Variants in COQ8A observed in about 807,000 individuals in gnomAD.
COQ8A encodes atypical kinase COQ8A, mitochondrial.
A neutral mutation model predicts 65.0 loss-of-function variants in COQ8A; 51 were observed. The ratio of observed to expected loss-of-function variants is 0.78; its 90% confidence interval spans 0.63 to 0.99. The LOEUF (loss-of-function observed/expected upper bound fraction) is 0.99. COQ8A is among the 50% of genes least tolerant of loss of function. The pLI, the probability that COQ8A is intolerant of heterozygous loss-of-function variation, is 0.00. For missense variants in COQ8A, 940 were observed against 875.0 expected (o/e 1.07, Z -0.94); for synonymous variants, 371 against 353.2 (o/e 1.05, Z -0.57).
Position 226,946,049 on chromosome 1 carries a change from G to A in COQ8A, c.-10+5650G>A, listed in dbSNP as rs936894448. Among the ~76,000 whole-genome samples the A allele has an allele frequency of 1.7e-4, 26 of 152,162 alleles. No individual in the cohort carries two copies. Among genetic ancestry groups the A allele is most frequent in the African/African-American group, 5.8e-4 (24 of 41,422 alleles). On this transcript the variant is annotated intron_variant, in intron 1 of 14. Transcript: ENST00000366777. This position sits in a 1 kb window ranked among gnomAD's most constrained non-coding sequence, Gnocchi z 5.3. The stretch of plus-strand genomic sequence containing the variant: ...TCGATGAGGGAGCTCAGGAAGCCAC[G>A]GAGCCTGGGTGCCTGGGTCCTGCCT...
In COQ8A at chr1:226,986,801, G is replaced by A. The variant is rs1660149676; in HGVS notation, c.*64G>A. The A allele has an allele frequency of 1.9e-6, 3 of 1,569,906 alleles. No individual in the cohort carries two copies. Among genetic ancestry groups the A allele is most frequent in the Non-Finnish European group, 2.6e-6 (3 of 1,161,180 alleles). On this transcript the variant is annotated 3_prime_UTR_variant, in exon 15 of 15. Transcript: ENST00000366777. ...TCTCCCTCAGACAGGCCAAAAACCA[G>A]TAGCGAGGTCGTGGTGATGCTCTTT...
At chr1:226,948,472 G>T (rs1657181016) in intron 1 of COQ8A, among the ~76,000 whole-genome samples, 2 of 152,186 alleles carry the variant, frequency 1.3e-5, no homozygotes, top group Non-Finnish European at 2.9e-5. Context: ...GGGGATTGTG[G>T]TATGGGTATC....
chr1:226,941,137 G>T (rs2147989297), intron 1 of COQ8A, among the ~76,000 whole-genome samples: 1 of 152,326 alleles, frequency 6.6e-6, no homozygotes, highest in East Asian at 1.9e-4. Context: ...GGGCAGGTTT[G>T]GGTGTTGGGA....
chr1:226,969,859 A>G (rs932639418), intron 4 of COQ8A, among the ~76,000 whole-genome samples: 7 of 152,190 alleles, frequency 4.6e-5, no homozygotes, highest in African/African-American at 1.4e-4. Context: ...GTTTATATCT[A>G]CTACCTTAGT....
chr1:226,982,542 C>G (rs1025648122), intron 6 of COQ8A, 136 bp from the exon 7 acceptor site: 7 of 965,340 alleles, frequency 7.3e-6, no homozygotes, highest in African/African-American at 1.6e-5. Context: ...TGCGAGGGCT[C>G]CTGTCTTTCT....
chr1:226,947,476 A>C (rs998245509), intron 1 of COQ8A, among the ~76,000 whole-genome samples: 2 of 152,250 alleles, frequency 1.3e-5, no homozygotes, highest in Non-Finnish European at 2.9e-5. Context: ...TCATTGAGAT[A>C]TTAAACCTGA....
chr1:226,977,167 G>T (rs567866788), intron 4 of COQ8A, among the ~76,000 whole-genome samples: 1 of 152,286 alleles, frequency 6.6e-6, no homozygotes, highest in Non-Finnish European at 1.5e-5. Context: ...TTACTTTGGG[G>T]TGTCCGTGTG....
At chr1:226,951,257 T>A (rs571573017) in intron 1 of COQ8A, among the ~76,000 whole-genome samples, 6 of 152,184 alleles carry the variant, frequency 3.9e-5, no homozygotes, top group Non-Finnish European at 8.8e-5. Flanking sequence ...AAGGAATGAT[T>A]AGATGGTGGA....
intron 1 of COQ8A, among the ~76,000 whole-genome samples, chr1:226,945,945 A>T (rs2148002808): frequency 6.6e-6 from 1 of 152,122 alleles, no homozygotes; most frequent in African/African-American, 2.4e-5. Flanking sequence ...TGCTGCTGCC[A>T]TTTCTGTGGC....
chr1:226,952,342 T>G (rs1657435663), intron 1 of COQ8A, among the ~76,000 whole-genome samples: 1 of 152,268 alleles, frequency 6.6e-6, no homozygotes, highest in South Asian at 2.1e-4. Context: ...GGATGGGGAA[T>G]ACATTTGTGT....
rs961960593 is a variant in COQ8A, at chr1:226,985,304, C to CA, written c.1624dup (p.Ile542AsnfsTer32). The CA allele has an allele frequency of 1.2e-6, 2 of 1,613,694 alleles. No homozygotes were observed. The highest frequency in any genetic ancestry group is 2.7e-5 in the African/African-American group (2 of 74,924). On this transcript the variant is annotated frameshift_variant, in exon 14 of 15. Coordinates refer to ENST00000366777, the MANE Select transcript of COQ8A (RefSeq NM_020247.5). LOFTEE classifies it high-confidence loss of function. ...ACAGGGAGACTGTGCGGGCGAAATC[C>CA]ATAGAGATGAAGTTCCTCACCGGCT...
chr1:226,960,480 GGTA>G (rs1359788757), intron 1 of COQ8A, among the ~76,000 whole-genome samples: 2 of 150,310 alleles, frequency 1.3e-5, no homozygotes, highest in African/African-American at 4.9e-5. Context: ...TGGTGGCAGT[GGTA>G]CTTGGTGGTG....
At chr1:226,942,892 T>C (rs1656788673) in intron 1 of COQ8A, among the ~76,000 whole-genome samples, 1 of 152,212 alleles carries the variant, frequency 6.6e-6, no homozygotes, top group Non-Finnish European at 1.5e-5. Flanking sequence ...TTGCCTTCAG[T>C]GTAATCCAGA....
intron 11 of COQ8A, 110 bp from the exon 12 acceptor site, chr1:226,984,438 C>T (rs1173898988): frequency 7.8e-7 from 1 of 1,288,536 alleles, no homozygotes; most frequent in African/African-American, 1.5e-5. Flanking sequence ...ATCAAACAGT[C>T]CCTAGGGTAG....
chr1:226,952,683 A>T (rs1343866926), intron 1 of COQ8A, among the ~76,000 whole-genome samples: 2 of 152,234 alleles, frequency 1.3e-5, no homozygotes, highest in Admixed American at 6.5e-5. Flanking sequence ...AAGTGCTGGG[A>T]TTACAGGCGT....
rs1222420737 is a variant in COQ8A at position 226,962,095 on chromosome 1, T to C, written c.177+533T>C. On this transcript the variant is annotated intron_variant, in intron 2 of 14. Coordinates refer to ENST00000366777, the MANE Select transcript of COQ8A (RefSeq NM_020247.5). The stretch of plus-strand genomic sequence containing the variant: ...ACAATGCAGTTTTTACTGGGGCCCA[T>C]GTGTCCATCAGCCTGGCTCAGCCTT... 4.6e-5 allele frequency among the ~76,000 whole-genome samples: 7 copies of C among 152,346 alleles called. No individual in the cohort carries two copies. The East Asian group carries it at 1.4e-3, about 29-fold the overall frequency.
intron 8 of COQ8A, chr1:226,983,315 G>A (rs1416764653): frequency 1.5e-6 from 1 of 658,944 alleles, no homozygotes; most frequent in South Asian, 1.9e-5. Context: ...GCCAGAGCTG[G>A]TGGGAGGGTG....
rs964830285 is a variant in COQ8A at position 226,972,600 on chromosome 1, C to T, written c.656-4849C>T. 2.0e-5 allele frequency among the ~76,000 whole-genome samples: 3 copies of T among 152,146 alleles called. No individual in the cohort carries two copies. Among genetic ancestry groups the T allele is most frequent in the African/African-American group, 4.8e-5 (2 of 41,422 alleles). On this transcript the variant is annotated intron_variant, in intron 4 of 14. Coordinates refer to ENST00000366777, the MANE Select transcript of COQ8A (RefSeq NM_020247.5). This position sits in a 1 kb window ranked among gnomAD's most constrained non-coding sequence, Gnocchi z 4.3. ...ACAGGCATTGCTTAGGCTGTTGGCT[C>T]TTGTTGCTTAATTTCCCAAAGATGC... is the stretch of plus-strand genomic sequence containing the variant.
intron 4 of COQ8A, among the ~76,000 whole-genome samples, chr1:226,970,510 A>G (rs1325101662): frequency 2.0e-5 from 3 of 152,240 alleles, no homozygotes; most frequent in East Asian, 1.9e-4. Flanking sequence ...ATATGATACA[A>G]TCTATCACTG....
Sources: gnomAD v4.1 joint callset for allele counts (sites outside exome capture counted in the v4.1 genomes callset) on GRCh38, gnomAD v4.1.1 for gene constraint, Gnocchi (gnomAD v3.1) non-coding constraint, MANE v1.5 for transcripts, NCBI Gene and HGNC (gene_info 2026-07-23, HGNC 2026-07-21) for gene names.